The following NFATC2 variants were observed in gnomAD, a reference collection of about 807,000 sequenced individuals.
The protein encoded by NFATC2 is nuclear factor of activated T-cells, cytoplasmic 2.
In NFATC2, 22 loss-of-function variants were observed where a neutral mutation model predicts 87.3. The observed-to-expected ratio is 0.25, with a 90% CI of 0.18 to 0.36. The LOEUF (loss-of-function observed/expected upper bound fraction) is 0.36, where lower values mean the gene tolerates loss of function less well. Among genes scored for constraint, NFATC2 ranks in the 10% least tolerant of loss-of-function variants. The pLI is 1.00. For missense variants in NFATC2, 1,149 were observed against 1,259.1 expected (o/e 0.91, Z 1.32); for synonymous variants, 565 against 542.2 (o/e 1.04, Z -0.58).
chr20:51,398,038 G>A (rs1747694215), intron 10 of NFATC2, among the ~76,000 whole-genome samples: 1 of 151,690 alleles, frequency 6.6e-6, no homozygotes, highest in South Asian at 2.1e-4. Flanking sequence ...TGCTGGGTGA[G>A]GGGCTCAGCC....
intron 3 of NFATC2, among the ~76,000 whole-genome samples, chr20:51,487,493 AAAATTAAATT>A: frequency 6.6e-6 from 1 of 152,340 alleles, no homozygotes; most frequent in East Asian, 1.9e-4. Context: ...AACTTAAAAT[AAAATTAAATT>A]AAAAAACAAA....
chr20:51,425,159 G>C (rs554210800), intron 9 of NFATC2, among the ~76,000 whole-genome samples: 10 of 152,290 alleles, frequency 6.6e-5, no homozygotes, highest in Non-Finnish European at 1.0e-4. Context: ...GTATTAGAGA[G>C]CAGACCAGAA....
intron 1 of NFATC2, among the ~76,000 whole-genome samples, chr20:51,541,946 CT>C (rs1008850570): frequency 6.6e-6 from 1 of 152,116 alleles, no homozygotes; most frequent in African/African-American, 2.4e-5. Flanking sequence ...CCCCTTCCTT[CT>C]TTTTTTGGCA....
chr20:51,397,347 C>T (rs772094026), intron 10 of NFATC2, among the ~76,000 whole-genome samples: 2 of 149,258 alleles, frequency 1.3e-5, no homozygotes, highest in East Asian at 1.9e-4. Flanking sequence ...ATAAAACCCT[C>T]AATAGGACCC....
In NFATC2 at chr20:51,542,478, G is replaced by T; in HGVS notation, c.22C>A (p.Pro8Thr). 1 of 1,557,514 alleles carries T rather than the reference G, an allele frequency of 6.4e-7. No homozygotes were observed. Among genetic ancestry groups the T allele is most frequent in the South Asian group, 1.2e-5 (1 of 85,896 alleles). Residue 8 changes from proline (P) to threonine (T), a missense_variant, in exon 1 of 11, where the codon CCC becomes ACC. By Grantham distance (38) the Pro-to-Thr change is conservative (BLOSUM62 -1). Transcript: ENST00000371564. MNAPERQ[P>T]QPDGGDAPGH... ...GGGGCGTCCCCGCCGTCGGGTTGGG[G>T]CTGCCGCTCGGGGGCGTTCATGGCG...
Position 51,432,523 on chromosome 20 carries a change from T to C in NFATC2, c.2266A>G (p.Lys756Glu), listed in dbSNP as rs963490872. The C allele has an allele frequency of 6.4e-7, 1 of 1,556,542 alleles. No individual in the cohort carries two copies. The highest frequency in any genetic ancestry group is 1.4e-5 in the African/African-American group (1 of 73,110). The change falls in exon 9 of 11, where the codon AAG (lysine) becomes GAG (glutamate). Residue 756 changes from lysine to glutamate, a missense_variant. Physicochemically the swap from Lys to Glu is moderately conservative, Grantham distance 56. Coordinates refer to ENST00000371564, the MANE Select transcript of NFATC2 (RefSeq NM_012340.5). This position sits in a 1 kb window ranked among gnomAD's most constrained non-coding sequence, Gnocchi z 4.6. ...NPAAVLYQRS[K>E]SLSPSLLGYQ... ...CCCAGCAGGCTGGGGCTCAGGCTCT[T>C]GCTCCGCTGGTAGAGTACGGCCGCT...
At position 51,403,592 on chromosome 20, in the gene NFATC2, T is replaced by C. The variant is rs1400931301; in HGVS notation, c.2723-4862A>G. 2.6e-5 allele frequency among the ~76,000 whole-genome samples: 4 copies of C among 152,294 alleles called. No individual in the cohort carries two copies. The East Asian group carries it at 7.7e-4, about 29-fold the overall frequency. ...TGTGATGGTATTTGGAGATGGGGCC[T>C]TTGGGAGATAATTAGGACTTGGTGC... On this transcript the variant is annotated intron_variant, in intron 9 of 10. Coordinates refer to ENST00000371564, the MANE Select transcript of NFATC2 (RefSeq NM_012340.5).
chr20:51,521,534 T>C (rs1435468990), intron 2 of NFATC2, among the ~76,000 whole-genome samples: 1 of 152,220 alleles, frequency 6.6e-6, no homozygotes, highest in East Asian at 1.9e-4. Context: ...TTGGCAAGGC[T>C]GGTCTTGAAT....
intron 5 of NFATC2, among the ~76,000 whole-genome samples, chr20:51,466,242 G>A (rs1333885802): frequency 3.3e-5 from 5 of 152,064 alleles, no homozygotes; most frequent in Non-Finnish European, 5.9e-5. Context: ...TAGTAGAGAC[G>A]GGGTTTCGCC....
At chr20:51,467,502 A>G (rs1987806197) in intron 5 of NFATC2, among the ~76,000 whole-genome samples, 1 of 152,200 alleles carries the variant, frequency 6.6e-6, no homozygotes, top group Admixed American at 6.5e-5. Flanking sequence ...GGTTGCAGTG[A>G]GCCGAGATCA....
chr20:51,521,038 A>G (rs941953096), intron 2 of NFATC2, among the ~76,000 whole-genome samples: 7 of 152,234 alleles, frequency 4.6e-5, no homozygotes, highest in Non-Finnish European at 1.0e-4. Flanking sequence ...AAATCACCGC[A>G]TATTCTGTCC....
chr20:51,428,477 T>A (rs1982189534), intron 9 of NFATC2, among the ~76,000 whole-genome samples: 1 of 152,132 alleles, frequency 6.6e-6, no homozygotes, highest in Non-Finnish European at 1.5e-5. Context: ...AGGAGCGCCT[T>A]GGTGTTCCAA....
intron 3 of NFATC2, among the ~76,000 whole-genome samples, chr20:51,515,533 G>A (rs1412063998): frequency 6.6e-6 from 1 of 152,174 alleles, no homozygotes; most frequent in African/African-American, 2.4e-5. Context: ...AGAAAGTTCA[G>A]AATGTCTACC....
At chr20:51,396,451 T>C (rs1414232932) in intron 10 of NFATC2, among the ~76,000 whole-genome samples, 1 of 152,158 alleles carries the variant, frequency 6.6e-6, no homozygotes, top group Non-Finnish European at 1.5e-5. Flanking sequence ...ACTGCTGACT[T>C]TGGAACTGAA....
intron 1 of NFATC2, among the ~76,000 whole-genome samples, chr20:51,561,575 C>A (rs1011242220): frequency 1.4e-5 from 2 of 143,320 alleles, no homozygotes; most frequent in Admixed American, 6.9e-5. Flanking sequence ...TCTTCCCCCC[C>A]CCACCCCCAC....
chr20:51,430,687 AGAT>A (rs1279900186), intron 9 of NFATC2, among the ~76,000 whole-genome samples: 2 of 152,184 alleles, frequency 1.3e-5, no homozygotes, highest in Non-Finnish European at 2.9e-5. Flanking sequence ...CAGAGCCCCC[AGAT>A]AACCTGGCTT....
At chr20:51,401,043 A>G (rs1196536227) in intron 9 of NFATC2, among the ~76,000 whole-genome samples, 1 of 152,166 alleles carries the variant, frequency 6.6e-6, no homozygotes, top group Admixed American at 6.5e-5. Context: ...TGGGGATGAG[A>G]ACACTTCCTT....
rs375172598 is a variant in NFATC2 at position 51,540,647 on chromosome 20, G to GTTTTTTTTTTTTTTTTTTTTTTTTTTTT, written c.130+1722_130+1723insAAAAAAAAAAAAAAAAAAAAAAAAAAAA. Among the ~76,000 whole-genome samples the GTTTTTTTTTTTTTTTTTTTTTTTTTTTT allele has an allele frequency of 3.5e-5, 4 of 112,966 alleles. 1 individual carries two copies. Among genetic ancestry groups the GTTTTTTTTTTTTTTTTTTTTTTTTTTTT allele is most frequent in the African/African-American group, 1.3e-4 (3 of 22,872 alleles). The allele number at this position is 112,966 out of a possible 152,430, so 74.1% of individuals were successfully genotyped here. On this transcript the variant is annotated intron_variant, in intron 1 of 10. Coordinates refer to ENST00000371564, the MANE Select transcript of NFATC2 (RefSeq NM_012340.5). The stretch of plus-strand genomic sequence containing the variant: ...ATCTGAAACTGTTCCAAAAACTGAA[G>GTTTTTTTTTTTTTTTTTTTTTTTTTTTT]TTTTTTTTTTGTTTTTTTTTTTTTG...
upstream of NFATC2, chr20:51,542,749 CGGGGG>C (rs1167272535): frequency 7.7e-4 from 3 of 3,884 alleles, no homozygotes; most frequent in Non-Finnish European, 1.3e-3. Flanking sequence ...CCCGGGGAGG[CGGGGG>C]GGGGGGGGGC....
Sources: gnomAD v4.1 joint callset for allele counts (sites outside exome capture counted in the v4.1 genomes callset) on GRCh38, gnomAD v4.1.1 for gene constraint, Gnocchi (gnomAD v3.1) non-coding constraint, MANE v1.5 for transcripts, NCBI Gene and HGNC (gene_info 2026-07-23, HGNC 2026-07-21) for gene names.